The following AP3S2 variants were observed in gnomAD, a reference collection of about 807,000 sequenced individuals.
The protein encoded by AP3S2 is adaptor related protein complex 3 subunit sigma 2.
AP3S2 carries 22 observed loss-of-function variants against 23.4 expected under a neutral mutation model. That is an observed-to-expected ratio of 0.94 (90% CI 0.67 to 1.34). The LOEUF is 1.34. AP3S2 is among the 40% of genes most tolerant of loss of function. The probability of loss-of-function intolerance (pLI) is 0.00; values close to 1 mark genes in which losing one functional copy is unlikely to be tolerated. For missense variants in AP3S2, 241 were observed against 236.9 expected (o/e 1.02, Z -0.11); for synonymous variants, 86 against 87.1 (o/e 0.99, Z 0.07).
At chr15:89,868,125 G>GC (rs1209091146) in intron 4 of AP3S2, among the ~76,000 whole-genome samples, 2 of 101,262 alleles carry the variant, frequency 2.0e-5, no homozygotes, top group South Asian at 3.8e-4. Flanking sequence ...GGGGGGGTCA[G>GC]CCCCCCCACC....
chr15:89,853,264 T>C (rs1047429547), intron 4 of AP3S2, among the ~76,000 whole-genome samples: 7 of 152,122 alleles, frequency 4.6e-5, no homozygotes, highest in Admixed American at 1.3e-4. Context: ...GAGAGACTAG[T>C]AGGAAAAAAG....
rs778833111 is a variant in AP3S2, at chr15:89,881,522, C to T, written c.273+6999G>A. ...TTAAGATGTCACCCACTACAACACA[C>T]ATCCAGATTTTAGAGTTATTGAAGT... is the stretch of plus-strand genomic sequence containing the variant. On this transcript the variant is annotated intron_variant, in intron 3 of 5. Transcript: ENST00000336418. 6.6e-5 allele frequency among the ~76,000 whole-genome samples: 10 copies of T among 152,276 alleles called. No homozygotes were observed. In the South Asian group the frequency reaches 8.3e-4, roughly 13 times the overall value.
chr15:89,856,858 G>GT (rs1206507657), intron 4 of AP3S2, among the ~76,000 whole-genome samples: 75 of 146,736 alleles, frequency 5.1e-4, no homozygotes, highest in African/African-American at 1.7e-3. Flanking sequence ...GGGCAACAGA[G>GT]TAAGACTCTG....
At chr15:89,842,054 A>G (rs1014043018) in intron 4 of AP3S2, among the ~76,000 whole-genome samples, 1 of 152,168 alleles carries the variant, frequency 6.6e-6, no homozygotes, top group African/African-American at 2.4e-5. Flanking sequence ...AGGTAGGGAG[A>G]CGAGAAGAGA....
intron 4 of AP3S2, among the ~76,000 whole-genome samples, chr15:89,858,573 TTCTTA>T (rs1281726231): frequency 6.7e-6 from 1 of 148,984 alleles, no homozygotes; most frequent in Non-Finnish European, 1.5e-5. Flanking sequence ...GAAACTCTAC[TTCTTA>T]TCTTAGAGTA....
At chr15:89,877,725 G>T (rs954654595) in intron 3 of AP3S2, among the ~76,000 whole-genome samples, 1 of 151,994 alleles carries the variant, frequency 6.6e-6, no homozygotes, top group Non-Finnish European at 1.5e-5. Context: ...AACCTGAGAG[G>T]TGGAGGTCAC....
At chr15:89,849,178 T>C (rs929905220) in intron 4 of AP3S2, among the ~76,000 whole-genome samples, 2 of 152,180 alleles carry the variant, frequency 1.3e-5, no homozygotes, top group Admixed American at 1.3e-4. Flanking sequence ...AAAAGTTGAC[T>C]TCTAGCTAGG....
At chr15:89,844,655 G>A (rs907368684) in intron 4 of AP3S2, among the ~76,000 whole-genome samples, 2 of 151,754 alleles carry the variant, frequency 1.3e-5, no homozygotes, top group Non-Finnish European at 2.9e-5. Context: ...AACCTAGAAG[G>A]ATCTCTTCTG....
At chr15:89,876,082 C>A (rs966786590) in intron 3 of AP3S2, among the ~76,000 whole-genome samples, 1 of 152,130 alleles carries the variant, frequency 6.6e-6, no homozygotes, top group African/African-American at 2.4e-5. Context: ...TAGTCTCAAT[C>A]CAGAAGCAGA....
At chr15:89,849,438 C>T (rs1327496679) in intron 4 of AP3S2, among the ~76,000 whole-genome samples, 1 of 152,084 alleles carries the variant, frequency 6.6e-6, no homozygotes, top group Non-Finnish European at 1.5e-5. Context: ...ACGATCTAGG[C>T]TTACTGCAAC....
In AP3S2 at chr15:89,835,646, A is replaced by G. The variant is rs752743482; in HGVS notation, c.454-3T>C. On this transcript the variant is annotated splice_polypyrimidine_tract_variant and splice_region_variant and intron_variant, in intron 5 of 5. Transcript: ENST00000336418. The stretch of plus-strand genomic sequence containing the variant: ...GCAGGGGCTGCTGAAAGGCCACCCT[A>G]AGAAGAAATGAGAGGCGAGTATGAG... 1.2e-6 allele frequency: 2 copies of G among 1,609,024 alleles called. No individual in the cohort carries two copies. Among genetic ancestry groups the G allele is most frequent in the Non-Finnish European group, 1.7e-6 (2 of 1,178,756 alleles).
intron 1 of AP3S2, among the ~76,000 whole-genome samples, chr15:89,891,085 TTTATC>T (rs1473939566): frequency 6.6e-6 from 1 of 152,136 alleles, no homozygotes; most frequent in Non-Finnish European, 1.5e-5. Flanking sequence ...ACTAAAGCCT[TTTATC>T]TGACTCTGGG....
intron 4 of AP3S2, among the ~76,000 whole-genome samples, chr15:89,854,655 A>G: frequency 3.3e-5 from 1 of 30,600 alleles, no homozygotes; most frequent in African/African-American, 1.3e-4. Context: ...CTGGGAAGTG[A>G]GGAGCCCCTC....
intron 3 of AP3S2, among the ~76,000 whole-genome samples, chr15:89,872,136 AG>A (rs1453318893): frequency 6.6e-6 from 1 of 151,636 alleles, no homozygotes; most frequent in African/African-American, 2.4e-5. Flanking sequence ...AAAAGAAAAA[AG>A]AAAAAAAATT....
chr15:89,832,059 G>A lies in AP3S2; in HGVS notation c.*3456C>T, dbSNP rs1219855172. 1 of 152,186 alleles carries A rather than the reference G, an allele frequency of 6.6e-6. No individual in the cohort carries two copies. The highest frequency in any genetic ancestry group is 1.5e-5 in the Non-Finnish European group (1 of 68,026). The allele number at this position is 152,186 out of a possible 1,614,324, so 9.4% of individuals were successfully genotyped here. ...AGCCTTGTTTCTCTCTTAATCTTCAGAGCCTAGAACTGAGCTTGGCCCTCA... is the reference window on the plus strand; with the variant it reads ...AGCCTTGTTTCTCTCTTAATCTTCAAAGCCTAGAACTGAGCTTGGCCCTCA... On this transcript the variant is annotated 3_prime_UTR_variant, in exon 6 of 6. Coordinates refer to ENST00000336418, the MANE Select transcript of AP3S2 (RefSeq NM_005829.5).
At chr15:89,887,514 G>A (rs956358910) in intron 3 of AP3S2, among the ~76,000 whole-genome samples, 2 of 151,496 alleles carry the variant, frequency 1.3e-5, no homozygotes, top group Non-Finnish European at 2.9e-5. Context: ...TGGGATTACT[G>A]GCACGTGCCA....
At chr15:89,893,855 G>GCGTGGTGAAGC in intron 1 of AP3S2, 26 bp downstream of exon 1, 1 of 1,551,414 alleles carries the variant, frequency 6.4e-7, no homozygotes. Context: ...CCCTGAAGGG[G>GCGTGGTGAAGC]CGTGGTGAAG....
At position 89,893,824 on chromosome 15, in the gene AP3S2, G is replaced by T. The variant is rs1334375676; in HGVS notation, c.69+57C>A. 3 of 1,537,204 alleles carry T rather than the reference G, an allele frequency of 2.0e-6. No individual in the cohort carries two copies. The East Asian group carries it at 7.3e-5, about 38-fold the overall frequency. On this transcript the variant is annotated intron_variant, in intron 1 of 5. Transcript: ENST00000336418. The stretch of plus-strand genomic sequence containing the variant: ...CCCCCGGGCGCCGAGAGGCCAAAGA[G>T]GAGGGAAGACATAGTGGGCGCCCTG...
rs1262833661 is a variant in AP3S2, at chr15:89,889,135, T to C, written c.75A>G (p.Glu25=). Residue 25 remains glutamate, a synonymous_variant, in exon 2 of 6, where the codon GAA becomes GAG. Transcript: ENST00000336418. ...CTCGAACAATCTGCTGTTGAATTTC[T>C]TCTGGCTATGAAACAAAAAGATAAG... ...RLVRFYQRFP[E]EIQQQIVRET... is the part of the protein sequence containing the mutation. 1 of 1,614,238 alleles carries C rather than the reference T, an allele frequency of 6.2e-7. No homozygotes were observed. The highest frequency in any genetic ancestry group is 8.5e-7 in the Non-Finnish European group (1 of 1,180,042).
Sources: gnomAD v4.1 joint callset for allele counts (sites outside exome capture counted in the v4.1 genomes callset) on GRCh38, gnomAD v4.1.1 for gene constraint, MANE v1.5 for transcripts, NCBI Gene and HGNC (gene_info 2026-07-23, HGNC 2026-07-21) for gene names.